ARSK: variants seen among roughly 807,000 people sequenced by gnomAD.
The protein encoded by ARSK is arylsulfatase K.
A neutral mutation model predicts 53.2 loss-of-function variants in ARSK; 37 were observed. The ratio of observed to expected loss-of-function variants is 0.70; its 90% CI spans 0.54 to 0.92. The LOEUF (loss-of-function observed/expected upper bound fraction) is 0.92. Ranked by LOEUF, ARSK falls within the 40% of genes least tolerant of loss-of-function variation. ARSK has a pLI of 0.00. For synonymous variants in ARSK, 208 were observed against 223.2 expected, an observed-to-expected ratio of 0.93 and a Z score of 0.61; for missense variants, 613 against 643.0, an observed-to-expected ratio of 0.95 and a Z score of 0.51.
intron 1 of ARSK, among the ~76,000 whole-genome samples, chr5:95,561,145 G>A (rs139749854): frequency 0.014 from 2,089 of 152,162 alleles, 22 homozygotes; most frequent in Non-Finnish European, 0.021. Flanking sequence ...TAGAAGATAC[G>A]CAGATGACAA....
chr5:95,560,512 A>G (rs1748610660), intron 1 of ARSK, among the ~76,000 whole-genome samples: 1 of 152,192 alleles, frequency 6.6e-6, no homozygotes, highest in Non-Finnish European at 1.5e-5. Flanking sequence ...GATCAATGGA[A>G]TAGGATCTAA....
chr5:95,589,610 A>C (rs141361841), intron 5 of ARSK, among the ~76,000 whole-genome samples: 92 of 152,290 alleles, frequency 6.0e-4, no homozygotes, highest in Non-Finnish European at 1.0e-3. Context: ...ACATGATCTC[A>C]TTCCTTTTTA....
rs755905288 is a variant in ARSK at position 95,600,971 on chromosome 5, C to T, written c.1221C>T (p.Phe407=). ...ATCCACCCTGGATTCTGAGTGAATT[C>T]CATGGATGTAATGTGAATGCCTCCA... is the stretch of plus-strand genomic sequence containing the variant. ...NLHPPWILSE[F]HGCNVNASTY... Residue 407 remains phenylalanine, a synonymous_variant, in exon 7 of 8, where the codon TTC becomes TTT. Coordinates refer to ENST00000380009, the MANE Select transcript of ARSK (RefSeq NM_198150.3). 2.7e-5 allele frequency: 43 copies of T among 1,614,018 alleles called. No individual in the cohort carries two copies. The highest frequency in any genetic ancestry group is 3.6e-5 in the Non-Finnish European group (42 of 1,179,926).
At chr5:95,575,986 T>G (rs1254170622) in intron 3 of ARSK, among the ~76,000 whole-genome samples, 1 of 152,142 alleles carries the variant, frequency 6.6e-6, no homozygotes, top group Non-Finnish European at 1.5e-5. Flanking sequence ...GACTTTCAGT[T>G]TTTCCTCATT....
chr5:95,586,867 T>C (rs1470310851), intron 5 of ARSK, 134 bp downstream of exon 5: 1 of 649,232 alleles, frequency 1.5e-6, no homozygotes, highest in Non-Finnish European at 2.5e-6. Context: ...TTATCAAAAC[T>C]TGATAACTTG....
chr5:95,569,181 C>T (rs1748780852), intron 3 of ARSK, among the ~76,000 whole-genome samples: 2 of 152,078 alleles, frequency 1.3e-5, no homozygotes, highest in African/African-American at 4.8e-5. Context: ...AACCCCAACA[C>T]GAATACATAT....
rs552106502 is a variant in ARSK at position 95,584,632 on chromosome 5, C to T, written c.699+1434C>T. 3.3e-5 allele frequency among the ~76,000 whole-genome samples: 5 copies of T among 152,126 alleles called. No homozygotes were observed. The East Asian group carries it at 7.7e-4, about 24-fold the overall frequency. On this transcript the variant is annotated intron_variant, in intron 4 of 7. Coordinates refer to ENST00000380009, the MANE Select transcript of ARSK (RefSeq NM_198150.3). ...ACCACAGAGTTTGTGAGAAAATCTTCGCAATCTATACATCTGACAAAAGAC... is the reference window on the plus strand; with the variant it reads ...ACCACAGAGTTTGTGAGAAAATCTTTGCAATCTATACATCTGACAAAAGAC...
Position 95,583,218 on chromosome 5 carries a change from G to T in ARSK, c.699+20G>T. 1.3e-6 allele frequency: 2 copies of T among 1,481,930 alleles called. No homozygotes were observed. Among genetic ancestry groups the T allele is most frequent in the Non-Finnish European group, 1.8e-6 (2 of 1,108,124 alleles). The allele number at this position is 1,481,930 out of a possible 1,614,324, so 91.8% of individuals were successfully genotyped here. A position where few individuals can be genotyped will look rare whatever the true frequency, so the allele number is the denominator to read the frequency against. On this transcript the variant is annotated intron_variant, in intron 4 of 7. Coordinates refer to ENST00000380009, the MANE Select transcript of ARSK (RefSeq NM_198150.3). ...GAAAAAGTAAGTAACTACATTGTGT[G>T]TGCTCAAAAGTAGATTTATATATGT... is the stretch of plus-strand genomic sequence containing the variant.
At chr5:95,603,032 T>C (rs1749429977) in intron 7 of ARSK, among the ~76,000 whole-genome samples, 2 of 152,088 alleles carry the variant, frequency 1.3e-5, no homozygotes, top group African/African-American at 4.8e-5. Flanking sequence ...TGGACAATGG[T>C]AGGAAGGAGG....
chr5:95,596,633 A>G (rs1478213177), intron 6 of ARSK, among the ~76,000 whole-genome samples: 1 of 152,134 alleles, frequency 6.6e-6, no homozygotes, highest in Non-Finnish European at 1.5e-5. Flanking sequence ...CAAAAACTCA[A>G]GCGATATTTC....
intron 3 of ARSK, among the ~76,000 whole-genome samples, chr5:95,582,404 T>C (rs1206905119): frequency 6.6e-6 from 1 of 152,124 alleles, no homozygotes; most frequent in Admixed American, 6.5e-5. Context: ...GCTCAGATTA[T>C]AGTTAAAATT....
At chr5:95,576,571 G>A (rs1212510611) in intron 3 of ARSK, among the ~76,000 whole-genome samples, 7 of 151,904 alleles carry the variant, frequency 4.6e-5, no homozygotes, top group Non-Finnish European at 8.8e-5. Flanking sequence ...CTCTCAATAT[G>A]GTGATCATTT....
chr5:95,596,182 A>G (rs958508851), intron 6 of ARSK, among the ~76,000 whole-genome samples: 1 of 152,238 alleles, frequency 6.6e-6, no homozygotes, highest in African/African-American at 2.4e-5. Context: ...CTACTTTATT[A>G]GTGATTAATT....
chr5:95,568,393 C>T (rs1031896503), intron 3 of ARSK, among the ~76,000 whole-genome samples: 2 of 151,982 alleles, frequency 1.3e-5, no homozygotes, highest in Non-Finnish European at 2.9e-5. Context: ...TTGCTGCTTT[C>T]GTTGGTCAGT....
Position 95,586,609 on chromosome 5 carries a change from A to G in ARSK, c.747A>G (p.Glu249=). Residue 249 remains glutamate (E), a synonymous_variant, in exon 5 of 8, where the codon GAA becomes GAG. Transcript: ENST00000380009. ...IKIPKWSPLS[E]MHPVDYYSSY... is the part of the protein sequence containing the mutation. ...TCCCAAAGTGGTCACCTTTGTCAGAAATGCACCCTGTAGATTATTACTCTT... is the reference window on the plus strand; with the variant it reads ...TCCCAAAGTGGTCACCTTTGTCAGAGATGCACCCTGTAGATTATTACTCTT... 6.2e-7 allele frequency: 1 copy of G among 1,612,564 alleles called. No individual in the cohort carries two copies. Among genetic ancestry groups the G allele is most frequent in the Non-Finnish European group, 8.5e-7 (1 of 1,179,408 alleles).
intron 6 of ARSK, among the ~76,000 whole-genome samples, chr5:95,598,677 G>C (rs1749350708): frequency 6.6e-6 from 1 of 152,102 alleles, no homozygotes; most frequent in African/African-American, 2.4e-5. Flanking sequence ...ATTTCACCTA[G>C]AGTAAAAATT....
chr5:95,601,029 A>G lies in ARSK; in HGVS notation c.1279A>G (p.Ile427Val), dbSNP rs770102407. 3 of 1,614,100 alleles carry G rather than the reference A, an allele frequency of 1.9e-6. No homozygotes were observed. The highest frequency in any genetic ancestry group is 1.6e-4 in the Middle Eastern group (1 of 6,062). The change falls in exon 7 of 8, where the codon ATA (isoleucine) becomes GTA (valine). Residue 427 changes from isoleucine (I) to valine (V), a missense_variant. Physicochemically the swap from Ile to Val is conservative, Grantham distance 29. Coordinates refer to ENST00000380009, the MANE Select transcript of ARSK (RefSeq NM_198150.3). Reference sequence around the variant, plus strand: ...GCTTCGAACTAACCACTGGAAATATATAGCCTATTCGGATGGTGCATCAAT... The same window carrying G: ...GCTTCGAACTAACCACTGGAAATATGTAGCCTATTCGGATGGTGCATCAAT... ...YMLRTNHWKYIAYSDGASILP... is the reference protein window; with the variant it reads ...YMLRTNHWKYVAYSDGASILP...
rs764053353 is a variant in ARSK, at chr5:95,586,726, CAT to C, written c.865_866del (p.Met289AlafsTer3). Reference sequence around the variant, plus strand: ...ATGCTATGTGTGCTGAGACAGATGCCATGCTTGGTAGGTGGTATAATTAATAA... The same window carrying C: ...ATGCTATGTGTGCTGAGACAGATGCCGCTTGGTAGGTGGTATAATTAATAA... ...YYAMCAETDA[M>X]LGEIILALHQ... On this transcript the variant is annotated frameshift_variant, in exon 5 of 8. Transcript: ENST00000380009. LOFTEE classifies it high-confidence loss of function. The C allele has an allele frequency of 6.3e-7, 1 of 1,588,454 alleles. No individual in the cohort carries two copies. The highest frequency in any genetic ancestry group is 1.2e-5 in the South Asian group (1 of 84,902).
chr5:95,602,519 G>A (rs1749420356), intron 7 of ARSK, among the ~76,000 whole-genome samples: 1 of 152,084 alleles, frequency 6.6e-6, no homozygotes. Flanking sequence ...GCCCATAGAG[G>A]TTTTTCCCTC....
Sources: gnomAD v4.1 joint callset for allele counts (sites outside exome capture counted in the v4.1 genomes callset) on GRCh38, gnomAD v4.1.1 for gene constraint, MANE v1.5 for transcripts, NCBI Gene and HGNC (gene_info 2026-07-23, HGNC 2026-07-21) for gene names.